AKAP6: variants seen among roughly 807,000 people sequenced by gnomAD.
AKAP6 encodes the protein A-kinase anchoring protein 6.
Under a neutral mutation model 188.5 loss-of-function variants are expected in AKAP6, and 58 were observed. That is an observed-to-expected ratio of 0.31 (90% CI 0.25 to 0.38). The LOEUF (loss-of-function observed/expected upper bound fraction) is 0.38, where lower values mean the gene tolerates loss of function less well. Ranked by LOEUF, AKAP6 falls within the 10% of genes least tolerant of loss-of-function variation. AKAP6 has a pLI of 1.00. For missense variants in AKAP6, 2,710 were observed against 2,740.0 expected, an observed-to-expected ratio of 0.99 and a Z score of 0.24; for synonymous variants, 989 against 998.6, an observed-to-expected ratio of 0.99 and a Z score of 0.18.
chr14:32,430,088 T>C (rs920940815), intron 1 of AKAP6, among the ~76,000 whole-genome samples: 2 of 152,182 alleles, frequency 1.3e-5, no homozygotes, highest in African/African-American at 4.8e-5. Context: ...ATTTATTCCT[T>C]TTCATTAAGT....
At position 32,531,352 on chromosome 14, in the gene AKAP6, T is replaced by C. The variant is rs1882406238; in HGVS notation, c.325-4202T>C. ...ATGGGAGCTACACAGAATTACTATA[T>C]AAAATTAGTGCTGATGATCACAGTA... On this transcript the variant is annotated intron_variant, in intron 2 of 13. Coordinates refer to ENST00000280979, the MANE Select transcript of AKAP6 (RefSeq NM_004274.5). Among the ~76,000 whole-genome samples, 3 of 152,246 alleles carry C rather than the reference T, an allele frequency of 2.0e-5. No homozygotes were observed. The South Asian group carries it at 6.2e-4, about 31-fold the overall frequency.
At position 32,758,846 on chromosome 14, in the gene AKAP6, A is replaced by G. The variant is rs190900259; in HGVS notation, c.3373-14832A>G. On this transcript the variant is annotated intron_variant, in intron 11 of 13. Transcript: ENST00000280979. The stretch of plus-strand genomic sequence containing the variant: ...CTATTTTAAACAGAATTAAAAACAC[A>G]TATGACAACAGACCAAGGCTCCTCT... Among the ~76,000 whole-genome samples the G allele has an allele frequency of 2.0e-3, 300 of 152,368 alleles. 1 individual carries two copies. The highest frequency in any genetic ancestry group is 7.0e-3 in the African/African-American group (290 of 41,600).
intron 1 of AKAP6, among the ~76,000 whole-genome samples, chr14:32,395,594 A>G (rs1453086537): frequency 6.6e-6 from 1 of 152,218 alleles, no homozygotes. Context: ...TAGAAAGAAC[A>G]TCCTGCTCTG....
In AKAP6 at chr14:32,484,985, G is replaced by A. The variant is rs1199026334; in HGVS notation, c.325-50569G>A. ...TGCGGCGGGAGAAGTAGATTGAAGC[G>A]TTGATTAGGGTGTTTAGCTGTTAAC... On this transcript the variant is annotated intron_variant, in intron 2 of 13. Transcript: ENST00000280979. Among the ~76,000 whole-genome samples the A allele has an allele frequency of 4.0e-5, 3 of 74,924 alleles. 1 individual carries two copies. The highest frequency in any genetic ancestry group is 6.6e-5 in the Non-Finnish European group (3 of 45,466). 49.2% of individuals were successfully genotyped at this position (74,924 alleles called of 152,430 possible).
intron 5 of AKAP6, among the ~76,000 whole-genome samples, chr14:32,578,497 G>A (rs1235011902): frequency 1.3e-5 from 2 of 152,018 alleles, no homozygotes; most frequent in Non-Finnish European, 2.9e-5. Flanking sequence ...TTTCCCTGTT[G>A]AGTAGAGTTT....
intron 11 of AKAP6, among the ~76,000 whole-genome samples, chr14:32,757,774 T>G (rs1306075769): frequency 6.6e-6 from 1 of 152,104 alleles, no homozygotes; most frequent in Non-Finnish European, 1.5e-5. Flanking sequence ...TGGATGTGGT[T>G]GGATGGGAGT....
intron 7 of AKAP6, among the ~76,000 whole-genome samples, chr14:32,636,726 A>G (rs774546257): frequency 6.6e-6 from 1 of 152,138 alleles, no homozygotes; most frequent in Non-Finnish European, 1.5e-5. Flanking sequence ...TGACACTAGC[A>G]GGAAAACAAT....
chr14:32,823,376 C>T lies in AKAP6; in HGVS notation c.5563C>T (p.Arg1855Cys), dbSNP rs768396047. The change falls in exon 13 of 14, where the codon CGT (arginine) becomes TGT (cysteine). Residue 1855 changes from arginine to cysteine, a missense_variant. Physicochemically the swap from Arg to Cys is radical, Grantham distance 180 (BLOSUM62 -3). Transcript: ENST00000280979. ...IETLLNGSVK[R>C]VSENNGNGKN... Reference sequence around the variant, plus strand: ...GACCCTTCTAAATGGCTCTGTAAAACGTGTCTCTGAAAATAATGGAAATGG... The same window carrying T: ...GACCCTTCTAAATGGCTCTGTAAAATGTGTCTCTGAAAATAATGGAAATGG... 1.5e-5 allele frequency: 25 copies of T among 1,613,638 alleles called. No individual in the cohort carries two copies. The highest frequency in any genetic ancestry group is 5.0e-5 in the Admixed American group (3 of 59,922).
chr14:32,736,054 A>G (rs751763810), intron 11 of AKAP6, among the ~76,000 whole-genome samples, 172 bp downstream of exon 11: 9 of 152,218 alleles, frequency 5.9e-5, no homozygotes, highest in Non-Finnish European at 1.2e-4. Context: ...ATGTGTATAA[A>G]GATGAACATT....
chr14:32,633,930 A>G (rs1415513502), intron 7 of AKAP6, among the ~76,000 whole-genome samples: 2 of 152,070 alleles, frequency 1.3e-5, no homozygotes, highest in Non-Finnish European at 2.9e-5. Context: ...CAAATCTTCC[A>G]TGGCTCCTTA....
At chr14:32,355,634 T>C (rs1887457515) in intron 1 of AKAP6, among the ~76,000 whole-genome samples, 1 of 152,230 alleles carries the variant, frequency 6.6e-6, no homozygotes, top group African/African-American at 2.4e-5. Context: ...CAAGATCTAG[T>C]GGTGGGCCTA....
chr14:32,603,788 C>T (rs1392011189), intron 7 of AKAP6, among the ~76,000 whole-genome samples: 3 of 152,048 alleles, frequency 2.0e-5, no homozygotes, highest in Admixed American at 6.5e-5. Flanking sequence ...GTTATGGTTA[C>T]ATAACCATAA....
intron 1 of AKAP6, among the ~76,000 whole-genome samples, chr14:32,389,999 C>T (rs1008417457): frequency 1.3e-5 from 2 of 151,988 alleles, no homozygotes; most frequent in East Asian, 1.9e-4. Flanking sequence ...TAGGTTTGGT[C>T]ATTTAACATA....
chr14:32,401,419 T>C (rs898491105), intron 1 of AKAP6, among the ~76,000 whole-genome samples: 1 of 152,192 alleles, frequency 6.6e-6, no homozygotes, highest in Non-Finnish European at 1.5e-5. Context: ...TATGTTTTTT[T>C]ATTTCTTTTT....
At chr14:32,462,371 C>T (rs565411921) in intron 2 of AKAP6, among the ~76,000 whole-genome samples, 1 of 152,308 alleles carries the variant, frequency 6.6e-6, no homozygotes, top group South Asian at 2.1e-4. Context: ...ATCAGACTAA[C>T]AGCAGATCCC....
chr14:32,518,000 C>T (rs1007976258), intron 2 of AKAP6, among the ~76,000 whole-genome samples: 4 of 152,180 alleles, frequency 2.6e-5, no homozygotes, highest in Admixed American at 6.5e-5. Context: ...ACGAAGCTTC[C>T]AGAGGAAGGA....
intron 2 of AKAP6, among the ~76,000 whole-genome samples, chr14:32,463,006 G>A (rs1239313765): frequency 7.6e-6 from 1 of 130,808 alleles, no homozygotes; most frequent in Non-Finnish European, 1.7e-5. Flanking sequence ...GACAAAGAAA[G>A]GCATTACATA....
chr14:32,822,913 C>G lies in AKAP6; in HGVS notation c.5100C>G (p.Cys1700Trp). ...GCAGCAGTGACGAGCTCTCTCTTTGCTCAGAGGATATTGTGTTACACAAGA... is the reference window on the plus strand; with the variant it reads ...GCAGCAGTGACGAGCTCTCTCTTTGGTCAGAGGATATTGTGTTACACAAGA... The part of the protein sequence containing the change: ...ELSSSDELSL[C>W]SEDIVLHKNK... Residue 1700 changes from cysteine to tryptophan, a missense_variant, in exon 13 of 14, where the codon TGC becomes TGG. Around this residue, in one of 2 missense-constraint regions of AKAP6, gnomAD observed 2,473 missense variants for 2,426.1 expected, o/e 1.02. Coordinates refer to ENST00000280979, the MANE Select transcript of AKAP6 (RefSeq NM_004274.5). 6.2e-7 allele frequency: 1 copy of G among 1,613,870 alleles called. No homozygotes were observed. The highest frequency in any genetic ancestry group is 8.5e-7 in the Non-Finnish European group (1 of 1,179,926).
intron 1 of AKAP6, among the ~76,000 whole-genome samples, chr14:32,406,103 A>G (rs951102297): frequency 2.0e-5 from 3 of 152,216 alleles, no homozygotes; most frequent in Non-Finnish European, 4.4e-5. Flanking sequence ...GACCCTTAGA[A>G]TGTATCCTGG....
Sources: allele counts gnomAD v4.1 joint callset (sites outside exome capture counted in the v4.1 genomes callset), GRCh38; gene constraint gnomAD v4.1.1; regional missense constraint gnomAD v4.1.1; transcripts MANE v1.5; gene names NCBI Gene and HGNC (gene_info 2026-07-23, HGNC 2026-07-21).